The following NLGN1 variants were observed in gnomAD, a reference collection of about 807,000 sequenced individuals.
NLGN1 encodes neuroligin-1.
A neutral mutation model predicts 65.5 loss-of-function variants in NLGN1; 12 were observed. That is an observed-to-expected ratio of 0.18 (90% CI 0.12 to 0.30). The LOEUF is 0.30. NLGN1 is among the 10% of genes least tolerant of loss of function. NLGN1 has a pLI of 1.00. For missense variants in NLGN1, 750 were observed against 1,007.1 expected, an observed-to-expected ratio of 0.74 and a Z score of 3.46; for synonymous variants, 350 against 359.5, an observed-to-expected ratio of 0.97 and a Z score of 0.30.
chr3:173,400,589 A>G (rs1289864848), intron 1 of NLGN1, among the ~76,000 whole-genome samples: 2 of 152,158 alleles, frequency 1.3e-5, no homozygotes, highest in African/African-American at 4.8e-5. Context: ...TAGGACAGAA[A>G]AACATTTTAG....
At chr3:174,142,199 C>T (rs1722410800) in intron 4 of NLGN1, among the ~76,000 whole-genome samples, 1 of 152,026 alleles carries the variant, frequency 6.6e-6, no homozygotes, top group Non-Finnish European at 1.5e-5. Context: ...TAATAACTGC[C>T]TTTTGAGGGT....
At chr3:174,187,620 AACTATCC>A (rs1325558145) in intron 4 of NLGN1, among the ~76,000 whole-genome samples, 1 of 152,056 alleles carries the variant, frequency 6.6e-6, no homozygotes, top group Non-Finnish European at 1.5e-5. Context: ...GAAGAGTATC[AACTATCC>A]ACAATAATTC....
At chr3:173,440,302 A>T (rs1020521213) in intron 2 of NLGN1, among the ~76,000 whole-genome samples, 1 of 152,086 alleles carries the variant, frequency 6.6e-6, no homozygotes, top group South Asian at 2.1e-4. Context: ...GTCATCCATG[A>T]GGGTTGGAAT....
At chr3:173,670,952 G>A (rs150513655) in intron 3 of NLGN1, among the ~76,000 whole-genome samples, 2 of 152,226 alleles carry the variant, frequency 1.3e-5, no homozygotes, top group African/African-American at 4.8e-5. Context: ...CCTAAAAAGT[G>A]CATAGGTAAC....
chr3:174,040,966 AT>A (rs954481162), intron 4 of NLGN1, among the ~76,000 whole-genome samples: 2 of 152,134 alleles, frequency 1.3e-5, no homozygotes, highest in Non-Finnish European at 2.9e-5. Context: ...ATAATTCAAT[AT>A]TTTTTATGAA....
At chr3:174,139,488 T>C (rs1577062917) in intron 4 of NLGN1, among the ~76,000 whole-genome samples, 1 of 152,166 alleles carries the variant, frequency 6.6e-6, no homozygotes, top group African/African-American at 2.4e-5. Flanking sequence ...CTTGTCTGGA[T>C]GCATCACAGT....
chr3:174,244,277 T>G (rs9860850), intron 4 of NLGN1, among the ~76,000 whole-genome samples: 51,319 of 152,066 alleles, frequency 0.34, 9,363 homozygotes, highest in East Asian at 0.58. Context: ...ATAAACAAGT[T>G]ATAACCTTCC....
chr3:173,397,574 T>C (rs78479930), upstream of NLGN1, among the ~76,000 whole-genome samples: 4,740 of 151,760 alleles, frequency 0.031, 103 homozygotes, highest in Non-Finnish European at 0.046. Flanking sequence ...ATTGGCGTCT[T>C]CGGAGCAGAT....
chr3:173,488,621 ATC>A (rs1345392699), intron 2 of NLGN1, among the ~76,000 whole-genome samples: 1 of 152,078 alleles, frequency 6.6e-6, no homozygotes, highest in African/African-American at 2.4e-5. Flanking sequence ...TCTGGTCTCT[ATC>A]ATTGCTGTTG....
At chr3:174,082,987 G>A (rs894441379) in intron 4 of NLGN1, among the ~76,000 whole-genome samples, 5 of 152,108 alleles carry the variant, frequency 3.3e-5, no homozygotes, top group African/African-American at 7.2e-5. Flanking sequence ...TCGGCCTCCC[G>A]AAGGGCTGGG....
chr3:173,832,137 A>C (rs924470090), intron 4 of NLGN1, among the ~76,000 whole-genome samples: 19 of 151,946 alleles, frequency 1.3e-4, no homozygotes, highest in African/African-American at 4.1e-4. Context: ...AAAAAAAAAA[A>C]AAAAACTGTA....
chr3:173,584,337 T>C lies in NLGN1; in HGVS notation c.-320-19942T>C, dbSNP rs574097540. On this transcript the variant is annotated intron_variant, in intron 2 of 6. Coordinates refer to ENST00000457714, the Ensembl canonical transcript of NLGN1. ...AGCCACTAGGGGTATCTTTGTACCATTTTTCATCCTGCACCGATTTGGAGT... is the reference window on the plus strand; with the variant it reads ...AGCCACTAGGGGTATCTTTGTACCACTTTTCATCCTGCACCGATTTGGAGT... Among the ~76,000 whole-genome samples the C allele has an allele frequency of 3.3e-5, 5 of 149,578 alleles. No homozygotes were observed. In the South Asian group the frequency reaches 1.1e-3, roughly 32 times the overall value.
intron 4 of NLGN1, among the ~76,000 whole-genome samples, chr3:173,980,317 C>T (rs1718482130): frequency 6.6e-6 from 1 of 151,746 alleles, no homozygotes; most frequent in Admixed American, 6.6e-5. Flanking sequence ...TTCATATTTT[C>T]CGTTATTTAA....
At chr3:173,785,509 G>T (rs1354558633) in intron 3 of NLGN1, among the ~76,000 whole-genome samples, 1 of 151,886 alleles carries the variant, frequency 6.6e-6, no homozygotes, top group East Asian at 1.9e-4. Context: ...GGCATTTTTT[G>T]GTAATATGTG....
chr3:174,167,605 T>TTTTTAACCTAGTTGCCC lies in NLGN1; in HGVS notation c.647-107707_647-107691dup, dbSNP rs1303601535. Among the ~76,000 whole-genome samples the TTTTTAACCTAGTTGCCC allele has an allele frequency of 2.3e-3, 353 of 151,000 alleles. 2 individuals are homozygous for TTTTTAACCTAGTTGCCC. Among genetic ancestry groups the TTTTTAACCTAGTTGCCC allele is most frequent in the African/African-American group, 8.2e-3 (336 of 41,180 alleles). ...TGTGATCTGCCCCCTTTTTTTTTTTTTTTTAACCTAGTTGCCCTTAAGATT... is the reference window on the plus strand; with the variant it reads ...TGTGATCTGCCCCCTTTTTTTTTTTTTTTTAACCTAGTTGCCCTTTTAACCTAGTTGCCCTTAAGATT... On this transcript the variant is annotated intron_variant, in intron 4 of 6. Transcript: ENST00000457714.
At chr3:174,069,419 C>A (rs6807495) in intron 4 of NLGN1, among the ~76,000 whole-genome samples, 5,063 of 151,998 alleles carry the variant, frequency 0.033, 285 homozygotes, top group African/African-American at 0.12. Context: ...ATGAAGGAGA[C>A]CAATTAGAAG....
chr3:174,143,655 C>T (rs1360118862), intron 4 of NLGN1, among the ~76,000 whole-genome samples: 1 of 152,058 alleles, frequency 6.6e-6, no homozygotes, highest in Non-Finnish European at 1.5e-5. Flanking sequence ...AGCATCTCCC[C>T]ACAATGCACT....
intron 3 of NLGN1, among the ~76,000 whole-genome samples, chr3:173,763,960 A>G (rs1778383255): frequency 6.6e-6 from 1 of 152,152 alleles, no homozygotes; most frequent in African/African-American, 2.4e-5. Flanking sequence ...TTTCCATAAA[A>G]TCTGTACTGT....
intron 2 of NLGN1, among the ~76,000 whole-genome samples, chr3:173,454,930 T>C (rs1279236483): frequency 6.6e-6 from 1 of 152,190 alleles, no homozygotes; most frequent in Non-Finnish European, 1.5e-5. Flanking sequence ...ATTGTAGGGT[T>C]ATTAACTGGC....
Sources: allele counts gnomAD v4.1 joint callset (sites outside exome capture counted in the v4.1 genomes callset), GRCh38; gene constraint gnomAD v4.1.1; transcripts MANE v1.5; gene names NCBI Gene and HGNC (gene_info 2026-07-23, HGNC 2026-07-21).